Variants in TSPAN14 observed in about 807,000 individuals in gnomAD.
TSPAN14 encodes tetraspanin-14.
TSPAN14 carries 16 observed loss-of-function variants against 36.6 expected under a neutral mutation model. The ratio of observed to expected loss-of-function variants is 0.44; its 90% CI spans 0.30 to 0.66. TSPAN14 has a LOEUF of 0.66. Among genes scored for constraint, TSPAN14 ranks in the 30% least tolerant of loss-of-function variants. The pLI, the probability that TSPAN14 is intolerant of heterozygous loss-of-function variation, is 0.12. For missense variants in TSPAN14, 231 were observed against 355.1 expected, an observed-to-expected ratio of 0.65 and a Z score of 2.81; for synonymous variants, 139 against 143.8, an observed-to-expected ratio of 0.97 and a Z score of 0.24.
intron 2 of TSPAN14, among the ~76,000 whole-genome samples, chr10:80,492,857 G>T (rs1847994972): frequency 6.6e-6 from 1 of 152,068 alleles, no homozygotes; most frequent in South Asian, 2.1e-4. Context: ...ATTCTTTATA[G>T]ATAAATACCG....
At chr10:80,478,140 G>A (rs1278955506) in intron 1 of TSPAN14, among the ~76,000 whole-genome samples, 1 of 152,024 alleles carries the variant, frequency 6.6e-6, no homozygotes, top group African/African-American at 2.4e-5. Flanking sequence ...TCTATTTAGA[G>A]AAAAGAACAT....
At chr10:80,455,244 C>T (rs147954723) in intron 1 of TSPAN14, among the ~76,000 whole-genome samples, 177 of 152,248 alleles carry the variant, frequency 1.2e-3, no homozygotes, top group Non-Finnish European at 1.8e-3. Flanking sequence ...GAGAAACAGT[C>T]CGTGCTAGGG....
chr10:80,520,508 C>T (rs1841204821), exon 9 of TSPAN14: 2 of 465,462 alleles, frequency 4.3e-6, no homozygotes, highest in Non-Finnish European at 8.8e-6. Context: ...CCAGCTGTGG[C>T]ATTTGCACCC....
At chr10:80,465,928 G>T (rs1846219336) in intron 1 of TSPAN14, among the ~76,000 whole-genome samples, 1 of 152,072 alleles carries the variant, frequency 6.6e-6, no homozygotes. Flanking sequence ...ATTCTCTTTT[G>T]GGGTACAATT....
At chr10:80,489,311 C>T in exon 2 of TSPAN14, 1 of 1,564,600 alleles carries the variant, frequency 6.4e-7, no homozygotes. Flanking sequence ...ACATCATCTT[C>T]TGGGTAAGTG....
At chr10:80,516,440 A>T in intron 8 of TSPAN14, 117 bp downstream of exon 8, 2 of 1,448,696 alleles carry the variant, frequency 1.4e-6, no homozygotes, top group Non-Finnish European at 1.9e-6. Flanking sequence ...TTGCAGAAGA[A>T]AAAAAGGGAT....
chr10:80,517,568 T>A (rs554134696), intron 8 of TSPAN14, among the ~76,000 whole-genome samples: 82 of 152,234 alleles, frequency 5.4e-4, no homozygotes, highest in Non-Finnish European at 1.0e-3. Flanking sequence ...ACCCTGTTAT[T>A]TTTGGTTTAA....
At chr10:80,468,561 T>G (rs995124409) in intron 1 of TSPAN14, 1 of 152,184 alleles carries the variant, frequency 6.6e-6, no homozygotes, top group East Asian at 1.9e-4. Flanking sequence ...ACATCCTTAC[T>G]ATTCAAAGTG....
chr10:80,520,913 T>G, exon 9 of TSPAN14: 1 of 480,398 alleles, frequency 2.1e-6, no homozygotes, highest in Non-Finnish European at 4.3e-6. Context: ...CCCATATGTC[T>G]GCTTAGGACT....
intron 1 of TSPAN14, among the ~76,000 whole-genome samples, chr10:80,475,910 C>A (rs934241584): frequency 6.6e-6 from 1 of 152,104 alleles, no homozygotes; most frequent in African/African-American, 2.4e-5. Context: ...TACAGTCATC[C>A]CTCCACTGTC....
chr10:80,465,332 T>A (rs1846183910), intron 1 of TSPAN14, among the ~76,000 whole-genome samples: 1 of 152,174 alleles, frequency 6.6e-6, no homozygotes, highest in African/African-American at 2.4e-5. Flanking sequence ...GAAAAGCCTG[T>A]GTGCTGGCAG....
chr10:80,486,546 A>G lies in TSPAN14; in HGVS notation c.-17-2671A>G, dbSNP rs1847610856. On this transcript the variant is annotated intron_variant, in intron 1 of 8. Coordinates refer to ENST00000429989, the Ensembl canonical transcript of TSPAN14. ...TTACTGCTTCCGGAGAGTTCTTTAC[A>G]GGGTTGGGTTAAATGAGGTCAAAGG... Among the ~76,000 whole-genome samples the G allele has an allele frequency of 3.3e-5, 5 of 152,154 alleles. 2 individuals are homozygous for G. In the South Asian group the frequency reaches 1.0e-3, roughly 31 times the overall value.
At chr10:80,498,351 G>A (rs1398270733) in intron 2 of TSPAN14, among the ~76,000 whole-genome samples, 1 of 152,114 alleles carries the variant, frequency 6.6e-6, no homozygotes, top group Non-Finnish European at 1.5e-5. Flanking sequence ...ACAGACTGAG[G>A]CCCAGGAGAG....
At chr10:80,508,632 C>G (rs1040806732) in intron 4 of TSPAN14, among the ~76,000 whole-genome samples, 10 of 152,100 alleles carry the variant, frequency 6.6e-5, no homozygotes, top group African/African-American at 2.4e-4. Flanking sequence ...CTGGAGGGGT[C>G]TTTATGCTGA....
chr10:80,483,878 C>A (rs1847428413), intron 1 of TSPAN14, among the ~76,000 whole-genome samples: 1 of 118,290 alleles, frequency 8.5e-6, no homozygotes, highest in South Asian at 2.8e-4. Context: ...CCATTGCACT[C>A]CAGCCTGGGC....
At chr10:80,503,688 TGA>T (rs1438276585) in intron 2 of TSPAN14, among the ~76,000 whole-genome samples, 2 of 152,178 alleles carry the variant, frequency 1.3e-5, no homozygotes, top group Non-Finnish European at 2.9e-5. Flanking sequence ...TCAGGTTGGA[TGA>T]GACTTCCTGG....
chr10:80,465,858 T>C (rs1386150207), intron 1 of TSPAN14, among the ~76,000 whole-genome samples: 6 of 152,224 alleles, frequency 3.9e-5, no homozygotes, highest in African/African-American at 1.4e-4. Context: ...TGTACCCTGC[T>C]TCTTCACATC....
chr10:80,498,670 A>G (rs1698496831), intron 2 of TSPAN14, among the ~76,000 whole-genome samples: 2 of 152,212 alleles, frequency 1.3e-5, no homozygotes, highest in Non-Finnish European at 2.9e-5. Flanking sequence ...CTTGTGGCAT[A>G]TCCTTGAACG....
At chr10:80,486,907 A>G (rs938643711) in intron 1 of TSPAN14, among the ~76,000 whole-genome samples, 1 of 151,874 alleles carries the variant, frequency 6.6e-6, no homozygotes, top group Admixed American at 6.6e-5. Context: ...CCCTGAAGGG[A>G]AAAAAAAGAA....
Sources: gnomAD v4.1 joint callset for allele counts (sites outside exome capture counted in the v4.1 genomes callset) on GRCh38, gnomAD v4.1.1 for gene constraint, MANE v1.5 for transcripts, NCBI Gene and HGNC (gene_info 2026-07-23, HGNC 2026-07-21) for gene names.